The following CYTH2 variants were observed in gnomAD, a reference collection of about 807,000 sequenced individuals.
CYTH2 encodes cytohesin 2, also known as cytohesin-2.
A neutral mutation model predicts 55.4 loss-of-function variants in CYTH2; 24 were observed. The observed-to-expected ratio is 0.43, with a 90% CI of 0.31 to 0.61. CYTH2 has a LOEUF of 0.61. CYTH2 is among the 20% of genes least tolerant of loss of function. The pLI is 0.08. For missense variants in CYTH2, 378 were observed against 533.5 expected, an observed-to-expected ratio of 0.71 and a Z score of 2.87; for synonymous variants, 221 against 209.6, an observed-to-expected ratio of 1.05 and a Z score of -0.47.
chr19:48,478,682 G>C (rs1971980408), intron 11 of CYTH2, 90 bp downstream of exon 11: 3 of 701,788 alleles, frequency 4.3e-6, no homozygotes, highest in Non-Finnish European at 6.7e-6. Context: ...TGGATGCCTG[G>C]GTCTGATGGA....
intron 4 of CYTH2, 162 bp from the exon 5 acceptor site, chr19:48,473,135 AC>A: frequency 1.4e-6 from 1 of 699,554 alleles, no homozygotes; most frequent in Non-Finnish European, 2.5e-6. Flanking sequence ...AGCATCCCCC[AC>A]CCTGGGGGCA....
chr19:48,474,468 C>T lies in CYTH2; in HGVS notation c.696+138C>T. 1 of 953,592 alleles carries T rather than the reference C, an allele frequency of 1.0e-6. No homozygotes were observed. Among genetic ancestry groups the T allele is most frequent in the Middle Eastern group, 2.5e-4 (1 of 4,010 alleles). The allele number at this position is 953,592 out of a possible 1,614,324, so 59.1% of individuals were successfully genotyped here. A position where few individuals can be genotyped will look rare whatever the true frequency, so the allele number is the denominator to read the frequency against. On this transcript the variant is annotated intron_variant, in intron 7 of 11. Coordinates refer to ENST00000452733, the MANE Select transcript of CYTH2 (RefSeq NM_004228.7). The surrounding 1 kb of genome is among the most constrained non-coding windows in gnomAD (Gnocchi z 4.9). ...GCGATCATGCCAACTCGTGTGTGAT[C>T]TTTTTCTCTCTCTCTGGGTGCTTCT... is the stretch of plus-strand genomic sequence containing the variant.
rs1335987326 is a variant in CYTH2, at chr19:48,478,703, G to A, written c.1112+111G>A. On this transcript the variant is annotated intron_variant, in intron 11 of 11. Transcript: ENST00000452733. ...CCTGGGTCTGATGGAGGAGGGGCTG[G>A]GGCCTGGACGCCTGGGTCTGACGGA... 381 of 750,256 alleles carry A rather than the reference G, an allele frequency of 5.1e-4. 5 individuals carry two copies. Among genetic ancestry groups the A allele is most frequent in the Non-Finnish European group, 3.0e-4 (147 of 487,432 alleles). The allele number at this position is 750,256 out of a possible 1,614,324, so 46.5% of individuals were successfully genotyped here.
At chr19:48,473,765 G>C in intron 5 of CYTH2, 140 bp from the exon 6 acceptor site, 1 of 679,362 alleles carries the variant, frequency 1.5e-6, no homozygotes, top group Non-Finnish European at 2.5e-6. Context: ...GGTGAGACTG[G>C]ATCATGTGAC....
intron 1 of CYTH2, chr19:48,470,033 T>C: frequency 1.7e-6 from 1 of 597,260 alleles, no homozygotes; most frequent in Non-Finnish European, 3.2e-6. Flanking sequence ...AAGGCCTCAG[T>C]CCCCTTCCAA....
At chr19:48,470,576 C>T (rs986540274) in intron 2 of CYTH2, 27 bp from the exon 3 acceptor site, 12 of 1,614,074 alleles carry the variant, frequency 7.4e-6, no homozygotes, top group Non-Finnish European at 1.0e-5. Context: ...GACCCTCCAC[C>T]CCCAACCCTG....
intron 11 of CYTH2, 152 bp downstream of exon 11, chr19:48,478,744 T>C (rs1658861174): frequency 3.2e-6 from 3 of 935,336 alleles, no homozygotes; most frequent in Non-Finnish European, 4.5e-6. Context: ...GGCTGGGGCC[T>C]GGACTCCTGG....
At position 48,469,476 on chromosome 19, in the gene CYTH2, C is replaced by T; in HGVS notation, c.-32C>T. 7.6e-7 allele frequency: 1 copy of T among 1,312,908 alleles called. No individual in the cohort carries two copies. The highest frequency in any genetic ancestry group is 9.8e-7 in the Non-Finnish European group (1 of 1,023,436). The allele number at this position is 1,312,908 out of a possible 1,614,324, so 81.3% of individuals were successfully genotyped here. ...GATCCAGGCCCGACTGGCGGGACCGCCCCGGATTCCCCGCGGGCCTTCCTA... is the reference window on the plus strand; with the variant it reads ...GATCCAGGCCCGACTGGCGGGACCGTCCCGGATTCCCCGCGGGCCTTCCTA... On this transcript the variant is annotated 5_prime_UTR_variant, in exon 1 of 12. Transcript: ENST00000452733.
chr19:48,480,220 A>G lies in CYTH2; in HGVS notation c.*1010A>G, dbSNP rs1036225085. 6.6e-6 allele frequency: 1 copy of G among 152,170 alleles called. No individual in the cohort carries two copies. The highest frequency in any genetic ancestry group is 1.5e-5 in the Non-Finnish European group (1 of 68,026). The allele number at this position is 152,170 out of a possible 1,614,324, so 9.4% of individuals were successfully genotyped here. A position where few individuals can be genotyped will look rare whatever the true frequency, so the allele number is the denominator to read the frequency against. On this transcript the variant is annotated 3_prime_UTR_variant, in exon 12 of 12. Transcript: ENST00000452733. ...GATCCCGAGCAGGGTGCGATGGCGG[A>G]TTGGGAGGTCCCATGTCACTCTCCC...
intron 4 of CYTH2, chr19:48,472,982 T>C: frequency 2.8e-6 from 1 of 353,452 alleles, no homozygotes; most frequent in South Asian, 2.9e-5. Flanking sequence ...GGGGGCTGTG[T>C]CTGGATACCT....
At chr19:48,478,171 G>C (rs371129195) in intron 9 of CYTH2, 26 bp downstream of exon 9, 2 of 1,613,184 alleles carry the variant, frequency 1.2e-6, no homozygotes, top group Non-Finnish European at 1.7e-6. Context: ...CCCGGGCTCT[G>C]GGGTCCTGGG....
Position 48,469,523 on chromosome 19 carries a change from T to C in CYTH2, c.16T>C (p.Tyr6His). 3 of 1,328,078 alleles carry C rather than the reference T, an allele frequency of 2.3e-6. No individual in the cohort carries two copies. Among genetic ancestry groups the C allele is most frequent in the Non-Finnish European group, 2.9e-6 (3 of 1,031,290 alleles). The allele number at this position is 1,328,078 out of a possible 1,614,324, so 82.3% of individuals were successfully genotyped here. MEDGV[Y>H]EPPDLTPEER... Reference sequence around the variant, plus strand: ...CCTAGCCGCCATGGAGGACGGCGTCTATGGTAGGTCGGGGAGGGGCGGGGT... The same window carrying C: ...CCTAGCCGCCATGGAGGACGGCGTCCATGGTAGGTCGGGGAGGGGCGGGGT... Residue 6 changes from tyrosine to histidine, a missense_variant, in exon 1 of 12, where the codon TAT (tyrosine) becomes CAT (histidine). Transcript: ENST00000452733.
At chr19:48,470,779 G>A in intron 3 of CYTH2, 110 bp downstream of exon 3, 1 of 1,206,756 alleles carries the variant, frequency 8.3e-7, no homozygotes, top group South Asian at 1.3e-5. Flanking sequence ...TAGGTGGACA[G>A]ACTTGGTCCT....
At chr19:48,469,693 C>G (rs1224098528) in intron 1 of CYTH2, 167 bp downstream of exon 1, 10 of 1,119,880 alleles carry the variant, frequency 8.9e-6, no homozygotes, top group South Asian at 1.8e-5. Context: ...CGGCGGGGCC[C>G]GAAAGCCGGG....
chr19:48,474,208 G>A lies in CYTH2; in HGVS notation c.574G>A (p.Val192Ile), dbSNP rs141113238. The part of the protein sequence containing the change: ...TDTCYVLSFA[V>I]IMLNTSLHNP... Reference sequence around the variant, plus strand: ...CACGTGCTATGTGCTGTCCTTCGCCGTCATCATGCTCAACACCAGTCTCCA... The same window carrying A: ...CACGTGCTATGTGCTGTCCTTCGCCATCATCATGCTCAACACCAGTCTCCA... The change falls in exon 7 of 12, where the codon GTC (valine) becomes ATC (isoleucine). Residue 192 changes from valine (V) to isoleucine (I), a missense_variant. Coordinates refer to ENST00000452733, the MANE Select transcript of CYTH2 (RefSeq NM_004228.7). This position sits in a 1 kb window ranked among gnomAD's most constrained non-coding sequence, Gnocchi z 4.9. 2.7e-5 allele frequency: 44 copies of A among 1,608,102 alleles called. No individual in the cohort carries two copies. The highest frequency in any genetic ancestry group is 2.4e-4 in the South Asian group (22 of 90,178).
chr19:48,470,160 C>G, intron 1 of CYTH2, 193 bp from the exon 2 acceptor site: 1 of 904,632 alleles, frequency 1.1e-6, no homozygotes, highest in Non-Finnish European at 1.8e-6. Context: ...CCCCTTGTCC[C>G]CCAGGACTCA....
chr19:48,470,851 G>A (rs1971778717), intron 3 of CYTH2, among the ~76,000 whole-genome samples, 182 bp downstream of exon 3: 1 of 152,172 alleles, frequency 6.6e-6, no homozygotes, highest in African/African-American at 2.4e-5. Flanking sequence ...CTGACCAAGT[G>A]TTCCAGCCCT....
chr19:48,479,100 C>T (rs1972000604), intron 11 of CYTH2, 23 bp from the exon 12 acceptor site: 1 of 1,613,222 alleles, frequency 6.2e-7, no homozygotes, highest in Non-Finnish European at 8.5e-7. Context: ...GGCCCTCATC[C>T]TGGGACCCCT....
chr19:48,477,653 T>C, intron 8 of CYTH2: 1 of 193,768 alleles, frequency 5.2e-6, no homozygotes, highest in South Asian at 1.2e-4. Flanking sequence ...TTGGGGGTGC[T>C]CCATTCTCCC....
Sources: gnomAD v4.1 joint callset for allele counts (sites outside exome capture counted in the v4.1 genomes callset) on GRCh38, gnomAD v4.1.1 for gene constraint, Gnocchi (gnomAD v3.1) non-coding constraint, MANE v1.5 for transcripts, NCBI Gene and HGNC (gene_info 2026-07-23, HGNC 2026-07-21) for gene names.